Variants in C11orf65 observed in about 807,000 individuals in gnomAD.
C11orf65 encodes protein MFI.
Under a neutral mutation model 35.3 loss-of-function variants are expected in C11orf65, and 38 were observed. The observed-to-expected ratio is 1.08, with a 90% CI of 0.83 to 1.41. The LOEUF (loss-of-function observed/expected upper bound fraction) is 1.41. Ranked by LOEUF, C11orf65 falls within the 40% of genes most tolerant of loss-of-function variation. The pLI is 0.00. For synonymous variants in C11orf65, 105 were observed against 114.4 expected, an observed-to-expected ratio of 0.92 and a Z score of 0.53; for missense variants, 370 against 367.1, an observed-to-expected ratio of 1.01 and a Z score of -0.06.
chr11:108,377,768 G>A (rs1253527301), downstream of C11orf65, among the ~76,000 whole-genome samples: 2 of 151,730 alleles, frequency 1.3e-5, no homozygotes, highest in African/African-American at 4.8e-5. Flanking sequence ...AAGCTGATAA[G>A]CAACTTCAGC....
rs954367094 is a variant in C11orf65 at position 108,334,047 on chromosome 11, T to C, written c.299+1173A>G. On this transcript the variant is annotated intron_variant, in intron 3 of 3. Transcript: ENST00000524755. ...TGAACCATTTGAAATAGTATTTTTA[T>C]GTAGGTCAAAATTGGTTAAATATTG... The C allele has an allele frequency of 1.5e-5, 17 of 1,172,016 alleles. 1 individual carries two copies. The highest frequency in any genetic ancestry group is 5.1e-5 in the South Asian group (4 of 79,006). 72.6% of individuals were successfully genotyped at this position (1,172,016 alleles called of 1,614,324 possible). A position where few individuals can be genotyped will look rare whatever the true frequency, so the allele number is the denominator to read the frequency against.
chr11:108,403,467 T>C (rs1370475468), intron 6 of C11orf65, among the ~76,000 whole-genome samples: 2 of 147,960 alleles, frequency 1.4e-5, no homozygotes, highest in African/African-American at 2.5e-5. Context: ...TTGTCAGATA[T>C]ATATTTTGCA....
At chr11:108,346,126 T>C (rs2088354802) in intron 2 of C11orf65, among the ~76,000 whole-genome samples, 1 of 152,180 alleles carries the variant, frequency 6.6e-6, no homozygotes, top group Non-Finnish European at 1.5e-5. Context: ...AGAATTCTCC[T>C]ACTTCAATAA....
chr11:108,369,062 T>C (rs1343901235), intron 2 of C11orf65: 1 of 174,702 alleles, frequency 5.7e-6, no homozygotes, highest in African/African-American at 2.4e-5. Flanking sequence ...TTACCTGAAT[T>C]TATTATAAAG....
intron 3 of C11orf65, among the ~76,000 whole-genome samples, chr11:108,427,328 A>T (rs935380653): frequency 1.3e-5 from 2 of 151,298 alleles, no homozygotes; most frequent in African/African-American, 2.4e-5. Context: ...TAAGGAACTT[A>T]AACAAATTTA....
At chr11:108,442,094 T>A (rs1426498162) in intron 2 of C11orf65, among the ~76,000 whole-genome samples, 1 of 152,000 alleles carries the variant, frequency 6.6e-6, no homozygotes, top group Non-Finnish European at 1.5e-5. Context: ...ATGAGATGAA[T>A]GGTTAACTAG....
At chr11:108,313,131 G>T (rs1020322228) in intron 6 of C11orf65, among the ~76,000 whole-genome samples, 2 of 152,092 alleles carry the variant, frequency 1.3e-5, no homozygotes, top group African/African-American at 2.4e-5. Context: ...ATAATCTTCC[G>T]TCATGTTACA....
intron 3 of C11orf65, chr11:108,331,701 T>C (rs1393747278): frequency 3.0e-6 from 4 of 1,317,402 alleles, no homozygotes; most frequent in Non-Finnish European, 4.1e-6. Flanking sequence ...CATAAGTTAC[T>C]CATTTTCTCT....
rs368624720 is a variant in C11orf65, at chr11:108,461,581, G to C, written c.-9-13C>G. The C allele has an allele frequency of 7.2e-7, 1 of 1,391,462 alleles. No individual in the cohort carries two copies. Among genetic ancestry groups the C allele is most frequent in the Non-Finnish European group, 1.0e-6 (1 of 999,550 alleles). The allele number at this position is 1,391,462 out of a possible 1,614,324, so 86.2% of individuals were successfully genotyped here. A position where few individuals can be genotyped will look rare whatever the true frequency, so the allele number is the denominator to read the frequency against. On this transcript the variant is annotated splice_polypyrimidine_tract_variant and intron_variant, in intron 1 of 8. Transcript: ENST00000393084. Reference sequence around the variant, plus strand: ...GCATTTGAAATTCCTAAAAGAAAATGAGCAAAAAGGGTACATTTAAAATAA... The same window carrying C: ...GCATTTGAAATTCCTAAAAGAAAATCAGCAAAAAGGGTACATTTAAAATAA...
chr11:108,352,809 C>G (rs1301729117), intron 2 of C11orf65, among the ~76,000 whole-genome samples: 1 of 152,114 alleles, frequency 6.6e-6, no homozygotes, highest in Non-Finnish European at 1.5e-5. Context: ...AAGCTATTCC[C>G]AAAAGGTTAC....
intron 2 of C11orf65, among the ~76,000 whole-genome samples, chr11:108,348,482 TAAG>T (rs1412491034): frequency 2.6e-5 from 4 of 151,522 alleles, no homozygotes; most frequent in African/African-American, 7.2e-5. Flanking sequence ...TTGTAAATAA[TAAG>T]AAAGTGATGA....
chr11:108,310,216 A>T (rs2136014385), intron 6 of C11orf65: 1 of 1,613,660 alleles, frequency 6.2e-7, no homozygotes, highest in Non-Finnish European at 8.5e-7. Flanking sequence ...AATTATCTAG[A>T]AGTTGCCAAG....
intron 3 of C11orf65, among the ~76,000 whole-genome samples, chr11:108,409,807 C>T (rs1057490964): frequency 1.3e-5 from 2 of 152,154 alleles, no homozygotes; most frequent in African/African-American, 2.4e-5. Context: ...GAACTGCACA[C>T]GCACAGGATC....
At chr11:108,415,548 T>C (rs186115593) in intron 3 of C11orf65, among the ~76,000 whole-genome samples, 97 of 152,292 alleles carry the variant, frequency 6.4e-4, no homozygotes, top group African/African-American at 2.2e-3. Flanking sequence ...TCTGGATCTA[T>C]AGATTCAATG....
At chr11:108,339,750 C>A (rs2087295349) in intron 2 of C11orf65, among the ~76,000 whole-genome samples, 1 of 152,034 alleles carries the variant, frequency 6.6e-6, no homozygotes, top group Non-Finnish European at 1.5e-5. Flanking sequence ...CCTCCCCGCC[C>A]CAGAGCTAGA....
downstream of C11orf65, among the ~76,000 whole-genome samples, chr11:108,330,999 C>G (rs887162713): frequency 1.3e-5 from 2 of 152,126 alleles, no homozygotes; most frequent in African/African-American, 4.8e-5. Flanking sequence ...TAAAATGTTT[C>G]TCCTGCAGGA....
intron 2 of C11orf65, among the ~76,000 whole-genome samples, chr11:108,441,020 C>T (rs970467202): frequency 1.4e-4 from 22 of 152,246 alleles, no homozygotes; most frequent in South Asian, 8.3e-4. Context: ...AGCAGGGCAA[C>T]GCACTGCCTC....
At chr11:108,322,447 C>T (rs2085306161) in intron 6 of C11orf65, among the ~76,000 whole-genome samples, 2 of 152,202 alleles carry the variant, frequency 1.3e-5, no homozygotes, top group African/African-American at 4.8e-5. Context: ...AGCCACCATG[C>T]CCGGCCCCCA....
downstream of C11orf65, chr11:108,327,853 T>C: frequency 2.0e-6 from 2 of 997,150 alleles, no homozygotes; most frequent in Non-Finnish European, 3.1e-6. Context: ...CAAATAAAAG[T>C]ATGGTTTTAT....
Sources: gnomAD v4.1 joint callset for allele counts (sites outside exome capture counted in the v4.1 genomes callset) on GRCh38, gnomAD v4.1.1 for gene constraint, MANE v1.5 for transcripts, NCBI Gene and HGNC (gene_info 2026-07-23, HGNC 2026-07-21) for gene names.